Variants in PDE1C observed in about 807,000 individuals in gnomAD.
PDE1C encodes phosphodiesterase 1C, also known as dual specificity calcium/calmodulin-dependent 3',5'-cyclic nucleotide phosphodiesterase 1C.
PDE1C carries 62 observed loss-of-function variants against 93.1 expected under a neutral mutation model. The observed-to-expected ratio is 0.67, with a 90% confidence interval of 0.54 to 0.82. The LOEUF is 0.82. Ranked by LOEUF, PDE1C falls within the 40% of genes least tolerant of loss-of-function variation. PDE1C has a pLI of 0.00. For missense variants in PDE1C, 742 were observed against 884.6 expected (o/e 0.84, Z 2.04); for synonymous variants, 325 against 310.1 (o/e 1.05, Z -0.50).
chr7:32,387,914 G>A (rs1051540493), intron 1 of PDE1C, among the ~76,000 whole-genome samples: 14 of 152,152 alleles, frequency 9.2e-5, no homozygotes, highest in Admixed American at 6.5e-4. Context: ...TCTTTCAAAA[G>A]GCAGCTCCAG....
chr7:32,228,594 T>C (rs1242210726), intron 1 of PDE1C, among the ~76,000 whole-genome samples: 1 of 152,194 alleles, frequency 6.6e-6, no homozygotes, highest in East Asian at 1.9e-4. Context: ...AGAAGCTCCA[T>C]GGCTCCTCAG....
the PDE1C span, among the ~76,000 whole-genome samples, chr7:31,711,371 T>C: frequency 6.6e-6 from 1 of 152,204 alleles, no homozygotes; most frequent in Admixed American, 6.5e-5. Flanking sequence ...TCCCATTTCA[T>C]CTCATTTGAT....
the PDE1C span, among the ~76,000 whole-genome samples, chr7:31,649,570 G>T: frequency 6.6e-6 from 1 of 152,196 alleles, no homozygotes; most frequent in Non-Finnish European, 1.5e-5. Flanking sequence ...AGGAGAGAAA[G>T]ATTGTGAGTA....
intron 1 of PDE1C, among the ~76,000 whole-genome samples, chr7:32,366,252 C>A (rs1427285968): frequency 1.3e-5 from 2 of 151,892 alleles, no homozygotes; most frequent in Non-Finnish European, 2.9e-5. Flanking sequence ...AAGAACCAAA[C>A]AGAAATCTAC....
At chr7:31,688,330 T>C in the PDE1C span, among the ~76,000 whole-genome samples, 2 of 152,216 alleles carry the variant, frequency 1.3e-5, no homozygotes, top group Non-Finnish European at 2.9e-5. Flanking sequence ...CTACCTTATA[T>C]TGACTCACAG....
chr7:31,843,708 T>C (rs1792198741), intron 9 of PDE1C, among the ~76,000 whole-genome samples: 1 of 151,850 alleles, frequency 6.6e-6, no homozygotes, highest in African/African-American at 2.4e-5. Flanking sequence ...TGCATTTGGG[T>C]CTAGCATGTT....
At chr7:32,104,388 C>G (rs1798190992) in intron 3 of PDE1C, among the ~76,000 whole-genome samples, 1 of 152,202 alleles carries the variant, frequency 6.6e-6, no homozygotes, top group Non-Finnish European at 1.5e-5. Context: ...CAAAATATTT[C>G]TCAACCTGGA....
intron 7 of PDE1C, among the ~76,000 whole-genome samples, chr7:31,859,155 A>G (rs1794379018): frequency 6.7e-6 from 1 of 149,338 alleles, no homozygotes; most frequent in Non-Finnish European, 1.5e-5. Context: ...CTATATGTAT[A>G]TTGACTATTG....
intron 1 of PDE1C, among the ~76,000 whole-genome samples, chr7:32,359,215 T>C (rs984286928): frequency 1.3e-5 from 2 of 152,146 alleles, no homozygotes; most frequent in Non-Finnish European, 2.9e-5. Flanking sequence ...ACCACCTCCC[T>C]TTCCCCGAAC....
At chr7:32,047,738 T>C (rs898462778) in intron 2 of PDE1C, among the ~76,000 whole-genome samples, 1 of 152,104 alleles carries the variant, frequency 6.6e-6, no homozygotes, top group African/African-American at 2.4e-5. Context: ...AAGGTTTTGA[T>C]AGGTAAACAA....
intron 2 of PDE1C, among the ~76,000 whole-genome samples, chr7:32,006,946 T>C (rs955574737): frequency 6.6e-6 from 1 of 152,164 alleles, no homozygotes; most frequent in Non-Finnish European, 1.5e-5. Flanking sequence ...ATCTGGCATA[T>C]CAATACTTCA....
the PDE1C span, among the ~76,000 whole-genome samples, chr7:31,632,164 A>G: frequency 6.6e-6 from 1 of 152,178 alleles, no homozygotes; most frequent in South Asian, 2.1e-4. Context: ...TATCCTTGAC[A>G]GAGGCAGGGC....
At chr7:32,023,285 A>C (rs909821169) in intron 2 of PDE1C, among the ~76,000 whole-genome samples, 1 of 152,128 alleles carries the variant, frequency 6.6e-6, no homozygotes, top group Non-Finnish European at 1.5e-5. Context: ...CTTATGACCC[A>C]TGATGTTGGT....
At chr7:32,206,625 C>G (rs959488211) in intron 2 of PDE1C, among the ~76,000 whole-genome samples, 3 of 152,192 alleles carry the variant, frequency 2.0e-5, no homozygotes, top group African/African-American at 7.2e-5. Context: ...CCACACTGCC[C>G]TTGTGGCTAC....
At chr7:31,839,487 A>G (rs907947936) in intron 9 of PDE1C, among the ~76,000 whole-genome samples, 1 of 151,922 alleles carries the variant, frequency 6.6e-6, no homozygotes. Flanking sequence ...TTTACAATTC[A>G]TCTATATAGT....
intron 2 of PDE1C, among the ~76,000 whole-genome samples, chr7:32,039,144 T>A (rs1000002874): frequency 2.6e-5 from 4 of 152,184 alleles, no homozygotes; most frequent in African/African-American, 9.7e-5. Context: ...ATGGGGCTTC[T>A]GTTTACCCAG....
the PDE1C span, among the ~76,000 whole-genome samples, chr7:31,709,411 T>G: frequency 7.9e-5 from 12 of 152,224 alleles, no homozygotes; most frequent in Non-Finnish European, 5.9e-5. Context: ...CTTCGTAAGC[T>G]AAAATGCTCA....
At chr7:32,387,853 G>A (rs1784671147) in intron 1 of PDE1C, among the ~76,000 whole-genome samples, 2 of 121,004 alleles carry the variant, frequency 1.7e-5, no homozygotes, top group African/African-American at 3.7e-5. Context: ...GGCCGGGCAG[G>A]GGGCTGACCC....
chr7:31,730,218 T>G, the PDE1C span, among the ~76,000 whole-genome samples: 1 of 152,168 alleles, frequency 6.6e-6, no homozygotes, highest in African/African-American at 2.4e-5. Flanking sequence ...CAATAGATAC[T>G]GTGTTGCACA....
Sources: gnomAD v4.1 joint callset for allele counts (sites outside exome capture counted in the v4.1 genomes callset) on GRCh38, gnomAD v4.1.1 for gene constraint, MANE v1.5 for transcripts, NCBI Gene and HGNC (gene_info 2026-07-23, HGNC 2026-07-21) for gene names.